MEGF10: variants seen among roughly 807,000 people sequenced by gnomAD.
MEGF10 encodes the protein multiple EGF like domains 10.
Under a neutral mutation model 147.5 loss-of-function variants are expected in MEGF10, and 86 were observed. The observed-to-expected ratio is 0.58, with a 90% confidence interval of 0.49 to 0.70. The LOEUF is 0.70. MEGF10 is among the 30% of genes least tolerant of loss of function. The probability of loss-of-function intolerance (pLI) is 0.00; values close to 1 mark genes in which losing one functional copy is unlikely to be tolerated. For missense variants in MEGF10, 1,329 were observed against 1,487.3 expected, an observed-to-expected ratio of 0.89 and a Z score of 1.75; for synonymous variants, 478 against 525.5, an observed-to-expected ratio of 0.91 and a Z score of 1.24.
chr5:127,331,163 G>A (rs1761241983), intron 1 of MEGF10, 128 bp from the exon 2 acceptor site: 2 of 578,592 alleles, frequency 3.5e-6, no homozygotes, highest in Non-Finnish European at 3.1e-6. Context: ...CCTGGCTATT[G>A]AAATACATGG....
At position 127,445,479 on chromosome 5, in the gene MEGF10, T is replaced by A; in HGVS notation, c.2514T>A (p.Asn838Lys). 6.2e-7 allele frequency: 1 copy of A among 1,614,122 alleles called. No individual in the cohort carries two copies. Among genetic ancestry groups the A allele is most frequent in the Non-Finnish European group, 8.5e-7 (1 of 1,179,974 alleles). ...CDQAGVIIVG[N>K]LNSLSRTSTA... ...TAGCTGGTGTTATCATAGTTGGAAATCTGAACAGCTTAAGCCGAACCAGTA... is the reference window on the plus strand; with the variant it reads ...TAGCTGGTGTTATCATAGTTGGAAAACTGAACAGCTTAAGCCGAACCAGTA... The change falls in exon 20 of 25, where the codon AAT becomes AAA. Residue 838 changes from asparagine (N) to lysine (K), a missense_variant. By Grantham distance (94) the Asn-to-Lys change is moderately conservative. Coordinates refer to ENST00000503335, the MANE Select transcript of MEGF10 (RefSeq NM_001256545.2).
rs1580884872 is a variant in MEGF10, at chr5:127,448,961, T to C, written c.2857-138T>C. 8 of 1,085,774 alleles carry C rather than the reference T, an allele frequency of 7.4e-6. No individual in the cohort carries two copies. In the East Asian group the frequency reaches 1.9e-4, roughly 25 times the overall value. 67.3% of individuals were successfully genotyped at this position (1,085,774 alleles called of 1,614,324 possible). On this transcript the variant is annotated intron_variant, in intron 21 of 24. Transcript: ENST00000503335. ...GCAAGTCCCACCAGGTTACAAGCAG[T>C]CACCTCGGCCCCTGAGCTCAGGTCA...
the MEGF10 span, among the ~76,000 whole-genome samples, chr5:127,274,349 T>C: frequency 1.3e-5 from 2 of 152,186 alleles, no homozygotes; most frequent in Non-Finnish European, 2.9e-5. Context: ...GACTAATAGA[T>C]ATTAGATAAT....
chr5:127,384,446 A>G (rs1402529609), intron 5 of MEGF10, among the ~76,000 whole-genome samples: 1 of 152,216 alleles, frequency 6.6e-6, no homozygotes, highest in Non-Finnish European at 1.5e-5. Flanking sequence ...CAAATTATGT[A>G]ACTTTAGCCT....
intron 13 of MEGF10, 128 bp downstream of exon 13, chr5:127,422,900 C>A (rs929605617): frequency 5.2e-5 from 36 of 695,072 alleles, no homozygotes; most frequent in Non-Finnish European, 6.5e-5. Flanking sequence ...GATAAGGTTT[C>A]CAGTAAACTG....
intron 5 of MEGF10, among the ~76,000 whole-genome samples, chr5:127,387,620 T>C (rs978510450): frequency 2.0e-5 from 3 of 152,234 alleles, no homozygotes; most frequent in African/African-American, 7.2e-5. Flanking sequence ...ATTGCAGCTT[T>C]GGAGACATTG....
At chr5:127,388,117 C>G (rs1434175072) in intron 5 of MEGF10, among the ~76,000 whole-genome samples, 3 of 152,154 alleles carry the variant, frequency 2.0e-5, no homozygotes, top group Admixed American at 2.0e-4. Flanking sequence ...ATGTTCATAG[C>G]AAGCTTTCTA....
the MEGF10 span, among the ~76,000 whole-genome samples, chr5:127,280,845 G>A: frequency 6.6e-6 from 1 of 152,226 alleles, no homozygotes; most frequent in Non-Finnish European, 1.5e-5. Context: ...CTGAGAGGAA[G>A]AGCTTTCCTC....
the MEGF10 span, among the ~76,000 whole-genome samples, chr5:127,266,401 T>G: frequency 1.3e-5 from 2 of 152,120 alleles, no homozygotes; most frequent in Admixed American, 6.5e-5. Context: ...CTTGGAAATG[T>G]GGGCTCTTTT....
chr5:127,377,866 T>A (rs935867610), intron 5 of MEGF10, among the ~76,000 whole-genome samples: 2 of 152,134 alleles, frequency 1.3e-5, no homozygotes, highest in African/African-American at 4.8e-5. Context: ...GAAATCAGGT[T>A]GATGGAGCAG....
chr5:127,316,855 G>A (rs995836618), intron 1 of MEGF10, among the ~76,000 whole-genome samples: 1 of 152,136 alleles, frequency 6.6e-6, no homozygotes, highest in African/African-American at 2.4e-5. Context: ...GGTGTTACAG[G>A]AGCAAAGAAG....
At chr5:127,348,160 A>G (rs1158492176) in intron 4 of MEGF10, among the ~76,000 whole-genome samples, 2 of 152,112 alleles carry the variant, frequency 1.3e-5, no homozygotes, top group Non-Finnish European at 2.9e-5. Flanking sequence ...ACGAATATCA[A>G]ACTGACTTGC....
rs1207091812 is a variant in MEGF10, at chr5:127,391,149, CACACAT to C, written c.413-5379_413-5374del. ...ACACACACACACACACACACACACA[CACACAT>C]ACATGCTTATTTCTTTAGGAAAAAC... On this transcript the variant is annotated intron_variant, in intron 5 of 24. Transcript: ENST00000503335. Among the ~76,000 whole-genome samples the C allele has an allele frequency of 2.4e-3, 108 of 44,706 alleles. 2 individuals carry two copies. Among genetic ancestry groups the C allele is most frequent in the African/African-American group, 4.7e-3 (93 of 19,980 alleles). 29.3% of individuals were successfully genotyped at this position (44,706 alleles called of 152,430 possible). A position where few individuals can be genotyped will look rare whatever the true frequency, so the allele number is the denominator to read the frequency against.
the MEGF10 span, among the ~76,000 whole-genome samples, chr5:127,256,165 T>TA: frequency 1.6e-4 from 25 of 152,280 alleles, 1 homozygote; most frequent in African/African-American, 6.0e-4. Flanking sequence ...ATTAATCTGT[T>TA]AGACCCTTTT....
At position 127,457,184 on chromosome 5, in the gene MEGF10, G is replaced by C; in HGVS notation, c.3289G>C (p.Asp1097His). The C allele has an allele frequency of 2.5e-6, 4 of 1,614,068 alleles. No homozygotes were observed. In the South Asian group the frequency reaches 3.3e-5, roughly 13 times the overall value. Residue 1097 changes from aspartate to histidine, a missense_variant, in exon 25 of 25, where the codon GAT becomes CAT. Around this residue, in one of 3 missense-constraint regions of MEGF10, gnomAD observed 343 missense variants for 377.9 expected, o/e 0.91. Coordinates refer to ENST00000503335, the MANE Select transcript of MEGF10 (RefSeq NM_001256545.2). ...CAGCAATAATGGGCGTCTCTCCCAG[G>C]ATCCATATGACCTCCCAAAGAACAG... Reference protein sequence around the residue: ...VFSNNGRLSQDPYDLPKNSHI... With the variant: ...VFSNNGRLSQHPYDLPKNSHI...
At chr5:127,339,268 G>A in intron 3 of MEGF10, 47 bp downstream of exon 3, 2 of 1,272,706 alleles carry the variant, frequency 1.6e-6, no homozygotes, top group South Asian at 1.2e-5. Flanking sequence ...ACTGGGAATA[G>A]ATTCTAATAC....
intron 4 of MEGF10, among the ~76,000 whole-genome samples, chr5:127,342,462 G>A (rs1201697019): frequency 6.6e-6 from 1 of 152,162 alleles, no homozygotes; most frequent in African/African-American, 2.4e-5. Context: ...AAAGGTGCTT[G>A]TGCCTGTCTT....
At chr5:127,247,464 G>C in the MEGF10 span, among the ~76,000 whole-genome samples, 127 of 139,032 alleles carry the variant, frequency 9.1e-4, 6 homozygotes, top group Non-Finnish European at 7.5e-4. Flanking sequence ...AGAAGAAGAA[G>C]AAGAAGAAGA....
the MEGF10 span, among the ~76,000 whole-genome samples, chr5:127,266,652 G>C: frequency 6.6e-6 from 1 of 152,076 alleles, no homozygotes; most frequent in Non-Finnish European, 1.5e-5. Flanking sequence ...TTGTAAGTTG[G>C]ATTCCTAGGT....
Sources: gnomAD v4.1 joint callset for allele counts (sites outside exome capture counted in the v4.1 genomes callset) on GRCh38, gnomAD v4.1.1 for gene constraint, gnomAD v4.1.1 regional missense constraint, MANE v1.5 for transcripts, NCBI Gene and HGNC (gene_info 2026-07-23, HGNC 2026-07-21) for gene names.